CTNND1: variants seen among roughly 807,000 people sequenced by gnomAD.
CTNND1 encodes the protein catenin delta 1.
A neutral mutation model predicts 112.1 loss-of-function variants in CTNND1; 16 were observed. The ratio of observed to expected loss-of-function variants is 0.14; its 90% CI spans 0.10 to 0.22. CTNND1 has a LOEUF of 0.22. Among genes scored for constraint, CTNND1 ranks in the 10% least tolerant of loss-of-function variants. The pLI is 1.00. For missense variants in CTNND1, 1,008 were observed against 1,257.0 expected (o/e 0.80, Z 3.00); for synonymous variants, 420 against 446.5 (o/e 0.94, Z 0.75).
chr11:57,778,520 T>G (rs904185794), intron 1 of CTNND1, among the ~76,000 whole-genome samples: 9 of 152,196 alleles, frequency 5.9e-5, no homozygotes, highest in Non-Finnish European at 1.2e-4. Flanking sequence ...AACTTTTAGA[T>G]CCACACACAG....
At chr11:57,796,301 G>A (rs1415564389) in intron 5 of CTNND1, among the ~76,000 whole-genome samples, 156 bp from the exon 6 acceptor site, 2 of 151,840 alleles carry the variant, frequency 1.3e-5, no homozygotes, top group Non-Finnish European at 2.9e-5. Flanking sequence ...CAGGAGAATT[G>A]CGTGAACCTG....
chr11:57,766,885 G>T (rs771939148), intron 1 of CTNND1, among the ~76,000 whole-genome samples: 3 of 152,048 alleles, frequency 2.0e-5, no homozygotes, highest in Non-Finnish European at 4.4e-5. Flanking sequence ...TTCTTCTCCA[G>T]TGAGCCCTTC....
intron 1 of CTNND1, among the ~76,000 whole-genome samples, chr11:57,781,285 AC>A (rs1250628670): frequency 6.6e-6 from 1 of 151,906 alleles, no homozygotes; most frequent in Non-Finnish European, 1.5e-5. Context: ...CAGTTGGGTG[AC>A]CCCTAGTAAA....
intron 1 of CTNND1, chr11:57,763,787 G>T (rs12366040): frequency 0.014 from 2,089 of 152,232 alleles, 27 homozygotes; most frequent in Non-Finnish European, 0.021. Flanking sequence ...CAACCTTTAG[G>T]GGGAGGGATG....
At position 57,815,510 on chromosome 11, in the gene CTNND1, C is replaced by A; in HGVS notation, c.2808+10C>A. The A allele has an allele frequency of 6.4e-7, 1 of 1,569,576 alleles. No homozygotes were observed. The highest frequency in any genetic ancestry group is 8.8e-7 in the Non-Finnish European group (1 of 1,140,802). Reference sequence around the variant, plus strand: ...AACAACACCCTTGATGGTAAATTCTCTTTATATACTGCTATCTGTCTAAGG... The same window carrying A: ...AACAACACCCTTGATGGTAAATTCTATTTATATACTGCTATCTGTCTAAGG... On this transcript the variant is annotated intron_variant, in intron 19 of 20. Transcript: ENST00000399050.
At chr11:57,800,381 C>T (rs942764825) in intron 6 of CTNND1, among the ~76,000 whole-genome samples, 12 of 151,966 alleles carry the variant, frequency 7.9e-5, no homozygotes, top group Admixed American at 2.0e-4. Flanking sequence ...GATTCTCTTG[C>T]CTCCGCCTCC....
chr11:57,771,125 AAAAG>A (rs1394142513), intron 1 of CTNND1, among the ~76,000 whole-genome samples: 1 of 152,202 alleles, frequency 6.6e-6, no homozygotes, highest in East Asian at 1.9e-4. Flanking sequence ...ATAGAAAAAG[AAAAG>A]AAAGTTGTTT....
chr11:57,805,346 A>G (rs1328445180), intron 9 of CTNND1, among the ~76,000 whole-genome samples: 3 of 152,020 alleles, frequency 2.0e-5, no homozygotes, highest in Admixed American at 6.6e-5. Context: ...CCTGGGTTCA[A>G]GCAATTCTCT....
intron 6 of CTNND1, among the ~76,000 whole-genome samples, chr11:57,798,361 AAG>A (rs1565343877): frequency 2.0e-5 from 3 of 150,594 alleles, no homozygotes; most frequent in African/African-American, 7.3e-5. Context: ...AAAAAAAAAA[AAG>A]CCAAAAAAAC....
intron 11 of CTNND1, 193 bp from the exon 12 acceptor site, chr11:57,806,722 A>ATCTGCTGCCTGT (rs2137306031): frequency 1.6e-6 from 1 of 631,994 alleles, no homozygotes; most frequent in East Asian, 2.7e-5. Context: ...CATCTTACCT[A>ATCTGCTGCCTGT]TCTGCTGCCT....
chr11:57,802,241 C>T (rs998230521), intron 7 of CTNND1, 45 bp downstream of exon 7: 2 of 1,492,612 alleles, frequency 1.3e-6, no homozygotes, highest in Admixed American at 1.9e-5. Flanking sequence ...GTGTTACTCT[C>T]TAGTGATGTT....
In CTNND1 at chr11:57,810,262, T is replaced by C. The variant is rs752217811; in HGVS notation, c.2550+39T>C. On this transcript the variant is annotated intron_variant, in intron 16 of 20. Coordinates refer to ENST00000399050, the MANE Select transcript of CTNND1 (RefSeq NM_001085458.2). ...TGAGACCAAGACTTTTACTTTTTTTTTCTTGGTCCCAGGATAATGCTTCTG... is the reference window on the plus strand; with the variant it reads ...TGAGACCAAGACTTTTACTTTTTTTCTCTTGGTCCCAGGATAATGCTTCTG... The C allele has an allele frequency of 6.2e-6, 9 of 1,449,694 alleles. No individual in the cohort carries two copies. The East Asian group carries it at 2.1e-4, about 33-fold the overall frequency. The allele number at this position is 1,449,694 out of a possible 1,614,324, so 89.8% of individuals were successfully genotyped here. A position where few individuals can be genotyped will look rare whatever the true frequency, so the allele number is the denominator to read the frequency against.
chr11:57,800,094 A>G (rs1422137960), intron 6 of CTNND1, among the ~76,000 whole-genome samples: 1 of 137,962 alleles, frequency 7.2e-6, no homozygotes, highest in African/African-American at 2.7e-5. Context: ...CATGCATGGT[A>G]TTTTATAATG....
At chr11:57,777,701 G>A (rs1565292014) in intron 1 of CTNND1, among the ~76,000 whole-genome samples, 1 of 152,180 alleles carries the variant, frequency 6.6e-6, no homozygotes, top group Non-Finnish European at 1.5e-5. Context: ...AAAAATAAAG[G>A]GAGAAGACAA....
At chr11:57,770,889 A>C (rs912757909) in intron 1 of CTNND1, among the ~76,000 whole-genome samples, 3 of 152,156 alleles carry the variant, frequency 2.0e-5, no homozygotes, top group Non-Finnish European at 4.4e-5. Context: ...AAAATAGCCT[A>C]TTTTAAAAGA....
At chr11:57,786,632 G>A (rs2060169750) in intron 1 of CTNND1, among the ~76,000 whole-genome samples, 1 of 152,178 alleles carries the variant, frequency 6.6e-6, no homozygotes, top group Admixed American at 6.6e-5. Context: ...GTCAGCTGAA[G>A]GTTTGTAGTG....
rs553418261 is a variant in CTNND1 at position 57,798,077 on chromosome 11, G to A, written c.956+1085G>A. On this transcript the variant is annotated intron_variant, in intron 6 of 20. Coordinates refer to ENST00000399050, the MANE Select transcript of CTNND1 (RefSeq NM_001085458.2). ...ATTAAGAACAGAGTCCATTGGGCAC[G>A]GTGTCTCACGCTTGTAATCCCAGCA... Among the ~76,000 whole-genome samples the A allele has an allele frequency of 4.6e-5, 7 of 151,990 alleles. No individual in the cohort carries two copies. The South Asian group carries it at 1.2e-3, about 27-fold the overall frequency.
intron 14 of CTNND1, among the ~76,000 whole-genome samples, chr11:57,808,748 A>G (rs2137401599): frequency 6.6e-6 from 1 of 152,354 alleles, no homozygotes; most frequent in Non-Finnish European, 1.5e-5. Context: ...AAATAAAATA[A>G]TAATTGCTAT....
At chr11:57,769,586 CT>C (rs1952044026) in intron 1 of CTNND1, among the ~76,000 whole-genome samples, 1 of 152,004 alleles carries the variant, frequency 6.6e-6, no homozygotes. Context: ...TGGTGTCTTC[CT>C]TTGTCTCTCT....
Sources: allele counts gnomAD v4.1 joint callset (sites outside exome capture counted in the v4.1 genomes callset), GRCh38; gene constraint gnomAD v4.1.1; transcripts MANE v1.5; gene names NCBI Gene and HGNC (gene_info 2026-07-23, HGNC 2026-07-21).